FNBP1: variants seen among roughly 807,000 people sequenced by gnomAD.
FNBP1 encodes formin-binding protein 1.
FNBP1 carries 26 observed loss-of-function variants against 90.6 expected under a neutral mutation model. The observed-to-expected ratio is 0.29, with a 90% CI of 0.21 to 0.40. FNBP1 has a LOEUF of 0.40. FNBP1 is among the 10% of genes least tolerant of loss of function. The pLI, the probability that FNBP1 is intolerant of heterozygous loss-of-function variation, is 1.00. For missense variants in FNBP1, 635 were observed against 768.0 expected, an observed-to-expected ratio of 0.83 and a Z score of 2.05; for synonymous variants, 260 against 265.2, an observed-to-expected ratio of 0.98 and a Z score of 0.19.
intron 6 of FNBP1, among the ~76,000 whole-genome samples, chr9:129,953,415 G>A (rs1242404346): frequency 5.3e-5 from 8 of 151,942 alleles, no homozygotes; most frequent in Non-Finnish European, 1.0e-4. Flanking sequence ...GCTTGAACCC[G>A]GGAGGCAGAG....
chr9:129,928,823 T>C (rs1246086415), intron 7 of FNBP1, among the ~76,000 whole-genome samples: 1 of 151,564 alleles, frequency 6.6e-6, no homozygotes, highest in African/African-American at 2.4e-5. Context: ...AAAAATGATT[T>C]ATCATGCCTA....
chr9:130,004,634 T>G (rs902169657), intron 1 of FNBP1, among the ~76,000 whole-genome samples: 1 of 152,206 alleles, frequency 6.6e-6, no homozygotes, highest in African/African-American at 2.4e-5. Flanking sequence ...TTCCTCAAAC[T>G]GTGGAGGAAA....
chr9:129,905,481 T>C (rs1019359348), intron 12 of FNBP1, among the ~76,000 whole-genome samples: 5 of 151,832 alleles, frequency 3.3e-5, no homozygotes, highest in African/African-American at 1.2e-4. Context: ...AGCTAATTTT[T>C]GTATTTTTAG....
intron 6 of FNBP1, among the ~76,000 whole-genome samples, chr9:129,931,241 A>T (rs2042687927): frequency 6.6e-6 from 1 of 152,006 alleles, no homozygotes; most frequent in South Asian, 2.1e-4. Flanking sequence ...GGCTGCAGTG[A>T]GCTGTGATCA....
At chr9:129,956,516 A>G (rs1351800736) in intron 6 of FNBP1, among the ~76,000 whole-genome samples, 1 of 152,238 alleles carries the variant, frequency 6.6e-6, no homozygotes, top group East Asian at 1.9e-4. Flanking sequence ...AATGAGAAAC[A>G]GTATACACTT....
intron 1 of FNBP1, among the ~76,000 whole-genome samples, chr9:130,029,265 C>G (rs1303325768): frequency 6.6e-6 from 1 of 152,062 alleles, no homozygotes; most frequent in Admixed American, 6.6e-5. Flanking sequence ...AAGCGATCCT[C>G]CCAACTCAGC....
chr9:130,014,222 T>C (rs1014011634), intron 1 of FNBP1, among the ~76,000 whole-genome samples: 1 of 151,658 alleles, frequency 6.6e-6, no homozygotes, highest in African/African-American at 2.4e-5. Context: ...TCTGGAATAA[T>C]GTTCTATTTC....
chr9:129,935,466 G>C (rs1227556466), intron 6 of FNBP1, among the ~76,000 whole-genome samples: 3 of 132,132 alleles, frequency 2.3e-5, no homozygotes, highest in African/African-American at 8.4e-5. Flanking sequence ...TACCACTCTT[G>C]CATCATCATT....
intron 12 of FNBP1, among the ~76,000 whole-genome samples, chr9:129,906,034 C>T (rs2037993222): frequency 6.6e-6 from 1 of 152,040 alleles, no homozygotes; most frequent in Admixed American, 6.6e-5. Flanking sequence ...CAGACATGCG[C>T]CACCACGCCT....
chr9:129,917,019 C>CT (rs905032993), intron 10 of FNBP1, among the ~76,000 whole-genome samples: 55 of 145,094 alleles, frequency 3.8e-4, no homozygotes, highest in Middle Eastern at 3.6e-3. Context: ...TGTGACTGCT[C>CT]TTTTTTTTTT....
At chr9:129,972,557 A>T (rs1208876119) in intron 4 of FNBP1, among the ~76,000 whole-genome samples, 2 of 143,574 alleles carry the variant, frequency 1.4e-5, no homozygotes, top group Non-Finnish European at 3.0e-5. Flanking sequence ...TTTGAGATGG[A>T]GTCTCACTCT....
chr9:129,932,795 C>A (rs1399098675), intron 6 of FNBP1, among the ~76,000 whole-genome samples: 1 of 151,984 alleles, frequency 6.6e-6, no homozygotes, highest in African/African-American at 2.4e-5. Flanking sequence ...TGTTAAGTAC[C>A]CAGCTACCCT....
chr9:130,009,978 C>CAAA (rs68122821), intron 1 of FNBP1, among the ~76,000 whole-genome samples: 2 of 69,946 alleles, frequency 2.9e-5, no homozygotes, highest in Non-Finnish European at 6.1e-5. Context: ...GACCCAGTCT[C>CAAA]AAAAAAAAAA....
intron 1 of FNBP1, 50 bp from the exon 2 acceptor site, chr9:129,995,008 A>G (rs1383368522): frequency 1.2e-6 from 1 of 835,734 alleles, no homozygotes. Flanking sequence ...TGTGATTAAC[A>G]TAATTTCAAT....
chr9:129,890,283 TGG>T lies in FNBP1; in HGVS notation c.*254_*255del, dbSNP rs1486863405. On this transcript the variant is annotated 3_prime_UTR_variant, in exon 17 of 17. Coordinates refer to ENST00000446176, the MANE Select transcript of FNBP1 (RefSeq NM_015033.3). The surrounding 1 kb of genome is among the most constrained non-coding windows in gnomAD (Gnocchi z 5.8). ...CACCGTCTCAGTGGCCTGCGCGGGG[TGG>T]GGAGGGGGAGCGATGAGGACTGACC... 2.1e-6 allele frequency: 1 copy of T among 468,196 alleles called. No individual in the cohort carries two copies. Among genetic ancestry groups the T allele is most frequent in the African/African-American group, 2.6e-5 (1 of 38,380 alleles). The allele number at this position is 468,196 out of a possible 1,614,324, so 29.0% of individuals were successfully genotyped here.
Position 129,957,531 on chromosome 9 carries a change from G to T in FNBP1, c.409-67C>A. On this transcript the variant is annotated intron_variant, in intron 5 of 16. Transcript: ENST00000446176. The surrounding 1 kb of genome is among the most constrained non-coding windows in gnomAD (Gnocchi z 4.3). ...ACGAGAAGATGTAATTTTATCTAAAGCTCCCAAAGAGCATTGTTCTTTTTC... is the reference window on the plus strand; with the variant it reads ...ACGAGAAGATGTAATTTTATCTAAATCTCCCAAAGAGCATTGTTCTTTTTC... 1 of 1,197,216 alleles carries T rather than the reference G, an allele frequency of 8.4e-7. No individual in the cohort carries two copies. The allele number at this position is 1,197,216 out of a possible 1,614,324, so 74.2% of individuals were successfully genotyped here. A position where few individuals can be genotyped will look rare whatever the true frequency, so the allele number is the denominator to read the frequency against.
chr9:130,011,267 TAAA>T (rs58365309), intron 1 of FNBP1, among the ~76,000 whole-genome samples: 1 of 52,676 alleles, frequency 1.9e-5, no homozygotes, highest in Admixed American at 3.3e-4. Context: ...TATATATATA[TAAA>T]ATATATATAA....
intron 15 of FNBP1, among the ~76,000 whole-genome samples, chr9:129,899,119 C>G (rs2036362170): frequency 6.6e-6 from 1 of 151,504 alleles, no homozygotes; most frequent in South Asian, 2.1e-4. Flanking sequence ...GTTCTGTCAC[C>G]CAGGCTGGAG....
intron 1 of FNBP1, among the ~76,000 whole-genome samples, chr9:130,016,600 G>A (rs1048938550): frequency 6.6e-6 from 1 of 152,080 alleles, no homozygotes; most frequent in African/African-American, 2.4e-5. Context: ...AAAATTAGCT[G>A]GGCGTGGTGG....
Sources: gnomAD v4.1 joint callset for allele counts (sites outside exome capture counted in the v4.1 genomes callset) on GRCh38, gnomAD v4.1.1 for gene constraint, Gnocchi (gnomAD v3.1) non-coding constraint, MANE v1.5 for transcripts, NCBI Gene and HGNC (gene_info 2026-07-23, HGNC 2026-07-21) for gene names.